The following ENTREP2 variants were observed in gnomAD, a reference collection of about 807,000 sequenced individuals.
ENTREP2 encodes the protein endosomal transmembrane epsin interactor 2, also known as protein ENTREP2.
chr15:29,587,232 A>G, the ENTREP2 span, among the ~76,000 whole-genome samples: 1 of 150,440 alleles, frequency 6.6e-6, no homozygotes, highest in South Asian at 2.1e-4. Flanking sequence ...AACAATGACC[A>G]ACCCAGTAGC....
chr15:29,390,313 CCTT>C, the ENTREP2 span, among the ~76,000 whole-genome samples: 1 of 152,160 alleles, frequency 6.6e-6, no homozygotes, highest in African/African-American at 2.4e-5. Context: ...CATCATGAAA[CCTT>C]CATCCCGTTT....
the ENTREP2 span, among the ~76,000 whole-genome samples, chr15:29,294,286 A>G: frequency 6.6e-6 from 1 of 152,238 alleles, no homozygotes; most frequent in African/African-American, 2.4e-5. Context: ...ATGTGTGGGC[A>G]GACTCCCGTT....
chr15:29,279,513 C>T, the ENTREP2 span, among the ~76,000 whole-genome samples: 4 of 152,166 alleles, frequency 2.6e-5, no homozygotes, highest in African/African-American at 7.2e-5. Context: ...TACATGCGCA[C>T]GCCACCACAC....
the ENTREP2 span, among the ~76,000 whole-genome samples, chr15:29,214,690 T>TAATAA: frequency 7.1e-6 from 1 of 141,760 alleles, no homozygotes; most frequent in South Asian, 2.2e-4. Context: ...AGTATAATAA[T>TAATAA]AAAAAAAAAA....
the ENTREP2 span, among the ~76,000 whole-genome samples, chr15:29,251,134 T>C: frequency 2.6e-5 from 4 of 152,182 alleles, no homozygotes; most frequent in African/African-American, 9.7e-5. Context: ...AAGCTTCTGG[T>C]AATTCAGCAA....
At chr15:29,664,247 T>C in the ENTREP2 span, among the ~76,000 whole-genome samples, 2 of 152,280 alleles carry the variant, frequency 1.3e-5, no homozygotes, top group Non-Finnish European at 2.9e-5. Flanking sequence ...GTGCATGTGG[T>C]CATTCCACAC....
At chr15:29,214,313 G>C in the ENTREP2 span, among the ~76,000 whole-genome samples, 1 of 152,112 alleles carries the variant, frequency 6.6e-6, no homozygotes, top group Non-Finnish European at 1.5e-5. Flanking sequence ...TGACAGACTG[G>C]ATTAAGAAAA....
At chr15:29,393,251 G>C in the ENTREP2 span, among the ~76,000 whole-genome samples, 2 of 152,184 alleles carry the variant, frequency 1.3e-5, no homozygotes, top group Non-Finnish European at 2.9e-5. Flanking sequence ...AACTTCTGTG[G>C]AGCCAAGTTG....
chr15:29,159,242 T>C, the ENTREP2 span, among the ~76,000 whole-genome samples: 30 of 151,858 alleles, frequency 2.0e-4, no homozygotes, highest in African/African-American at 7.0e-4. Flanking sequence ...CCGCGGTGAG[T>C]GTTACAGCTC....
chr15:29,548,683 T>C, the ENTREP2 span, among the ~76,000 whole-genome samples: 1 of 152,092 alleles, frequency 6.6e-6, no homozygotes, highest in African/African-American at 2.4e-5. Context: ...CATAAGAGAC[T>C]TCCAGCACTA....
the ENTREP2 span, among the ~76,000 whole-genome samples, chr15:29,490,384 A>G: frequency 0.041 from 6,161 of 151,930 alleles, 397 homozygotes; most frequent in African/African-American, 0.14. Context: ...CAAAACCTCC[A>G]CAACATGGAA....
chr15:29,620,722 AAGAAGG>A, the ENTREP2 span, among the ~76,000 whole-genome samples: 1 of 152,070 alleles, frequency 6.6e-6, no homozygotes, highest in Non-Finnish European at 1.5e-5. Context: ...AATAAGTGGG[AAGAAGG>A]AGTTCATGGA....
At chr15:29,193,259 G>A in the ENTREP2 span, among the ~76,000 whole-genome samples, 4 of 152,204 alleles carry the variant, frequency 2.6e-5, no homozygotes, top group African/African-American at 9.6e-5. Context: ...GGAGATTGGT[G>A]TGTGAGTCTG....
At chr15:29,570,667 C>G in the ENTREP2 span, 8 of 1,280,084 alleles carry the variant, frequency 6.2e-6, no homozygotes, top group Admixed American at 1.5e-4. Flanking sequence ...GCAGGCGGGA[C>G]AGGCTGCGGG....
the ENTREP2 span, among the ~76,000 whole-genome samples, chr15:29,453,544 G>C: frequency 1.3e-5 from 2 of 152,250 alleles, no homozygotes; most frequent in African/African-American, 4.8e-5. Flanking sequence ...CCACCGGCCA[G>C]AGTGCCCTGG....
chr15:29,339,792 G>A, the ENTREP2 span, among the ~76,000 whole-genome samples: 56 of 152,168 alleles, frequency 3.7e-4, no homozygotes, highest in Admixed American at 1.2e-3. Flanking sequence ...AAACATTCCC[G>A]TTTAATAAAC....
the ENTREP2 span, among the ~76,000 whole-genome samples, chr15:29,417,170 ATGCTGCTAT>A: frequency 6.6e-6 from 1 of 152,256 alleles, no homozygotes; most frequent in Non-Finnish European, 1.5e-5. Flanking sequence ...ATTATAAATC[ATGCTGCTAT>A]AAAGACACAT....
chr15:29,416,813 C>T, the ENTREP2 span, among the ~76,000 whole-genome samples: 1 of 152,196 alleles, frequency 6.6e-6, no homozygotes, highest in Non-Finnish European at 1.5e-5. Flanking sequence ...AGAAAACAAA[C>T]AACCCCATCA....
the ENTREP2 span, among the ~76,000 whole-genome samples, chr15:29,598,143 A>C: frequency 6.6e-6 from 1 of 152,006 alleles, no homozygotes; most frequent in Non-Finnish European, 1.5e-5. Context: ...GAAAAAGACT[A>C]GGTTTAGTTT....
Sources: allele counts gnomAD v4.1 joint callset (sites outside exome capture counted in the v4.1 genomes callset), GRCh38; gene constraint gnomAD v4.1.1; transcripts MANE v1.5; gene names NCBI Gene and HGNC (gene_info 2026-07-23, HGNC 2026-07-21).